The following USP42 variants were observed in gnomAD, a reference collection of about 807,000 sequenced individuals.
USP42 encodes the protein ubiquitin carboxyl-terminal hydrolase 42.
USP42 carries 23 observed loss-of-function variants against 113.0 expected under a neutral mutation model. The observed-to-expected ratio is 0.20, with a 90% CI of 0.15 to 0.29. The LOEUF (loss-of-function observed/expected upper bound fraction) is 0.29, where lower values mean the gene tolerates loss of function less well. Ranked by LOEUF, USP42 falls within the 10% of genes least tolerant of loss-of-function variation. The probability of loss-of-function intolerance (pLI) is 1.00; values close to 1 mark genes in which losing one functional copy is unlikely to be tolerated. For missense variants in USP42, 2,174 were observed against 1,779.8 expected (o/e 1.22, Z -3.99); for synonymous variants, 933 against 699.0 (o/e 1.33, Z -5.28).
intron 3 of USP42, chr7:6,117,028 C>G (rs981216343): frequency 5.5e-6 from 2 of 361,052 alleles, no homozygotes; most frequent in Non-Finnish European, 1.1e-5. Context: ...CTTTTCCCAG[C>G]TTTACTGAAG....
At position 6,139,079 on chromosome 7, in the gene USP42, C is replaced by T. The variant is rs1455689034; in HGVS notation, c.554-13C>T. ...TGTAATGATAAAGCCTTGTCTTTACCGAAATTTTACAGGTATAGCTAGGCA... is the reference window on the plus strand; with the variant it reads ...TGTAATGATAAAGCCTTGTCTTTACTGAAATTTTACAGGTATAGCTAGGCA... On this transcript the variant is annotated splice_polypyrimidine_tract_variant and intron_variant, in intron 4 of 17. Coordinates refer to ENST00000306177, the MANE Select transcript of USP42 (RefSeq NM_032172.3). This position sits in a 1 kb window ranked among gnomAD's most constrained non-coding sequence, Gnocchi z 4.5. The T allele has an allele frequency of 5.7e-6, 9 of 1,584,786 alleles. No homozygotes were observed. Among genetic ancestry groups the T allele is most frequent in the African/African-American group, 1.3e-5 (1 of 74,218 alleles).
At chr7:6,113,086 G>C (rs755018793) in intron 2 of USP42, among the ~76,000 whole-genome samples, 1 of 151,672 alleles carries the variant, frequency 6.6e-6, no homozygotes, top group African/African-American at 2.4e-5. Flanking sequence ...TGTATTTTTA[G>C]TAGAGACGGG....
rs1781925339 is a variant in USP42 at position 6,149,735 on chromosome 7, C to T, written c.1539C>T (p.Ile513=). The T allele has an allele frequency of 6.2e-7, 1 of 1,613,958 alleles. No homozygotes were observed. Among genetic ancestry groups the T allele is most frequent in the Non-Finnish European group, 8.5e-7 (1 of 1,179,872 alleles). The change falls in exon 13 of 18, where the codon ATC becomes ATT. Residue 513 remains isoleucine (I), a synonymous_variant. Transcript: ENST00000306177. The part of the protein sequence containing the change: ...QNWSVNRSSV[I]PEHPKKQKIT... ...GGTCAGTTAATAGGTCCTCAGTGATCCCAGAACATCCTAAGAAACAAAAAA... is the reference window on the plus strand; with the variant it reads ...GGTCAGTTAATAGGTCCTCAGTGATTCCAGAACATCCTAAGAAACAAAAAA...
the USP42 span, among the ~76,000 whole-genome samples, chr7:6,097,070 C>A: frequency 6.6e-6 from 1 of 150,854 alleles, no homozygotes; most frequent in Admixed American, 6.6e-5. Context: ...CCATGCCTGG[C>A]TAATTTTGTA....
At chr7:6,121,082 C>T (rs182712545) in intron 3 of USP42, among the ~76,000 whole-genome samples, 6 of 151,322 alleles carry the variant, frequency 4.0e-5, no homozygotes, top group East Asian at 1.9e-4. Context: ...CTATGTGATA[C>T]GTGAATAAAG....
chr7:6,116,512 C>A, intron 3 of USP42: 1 of 256,744 alleles, frequency 3.9e-6, no homozygotes, highest in Non-Finnish European at 7.5e-6. Context: ...GGCTCAGATT[C>A]ATGTGTGTAT....
In USP42 at chr7:6,149,260, C is replaced by T. The variant is rs1183237006; in HGVS notation, c.1387-323C>T. Among the ~76,000 whole-genome samples the T allele has an allele frequency of 2.0e-5, 3 of 152,132 alleles. No individual in the cohort carries two copies. In the East Asian group the frequency reaches 5.8e-4, roughly 29 times the overall value. ...ATCAGCGAGCTCCCAGGAAACCCAA[C>T]CAGGTAGCAAGTGTGTGACTCCATG... On this transcript the variant is annotated intron_variant, in intron 12 of 17. Transcript: ENST00000306177.
At chr7:6,150,363 A>AG (rs1474591948) in intron 13 of USP42, 49 bp from the exon 14 acceptor site, 5 of 1,610,244 alleles carry the variant, frequency 3.1e-6, no homozygotes, top group Non-Finnish European at 4.2e-6. Context: ...GGATTTCAGG[A>AG]GGCATGGAGC....
chr7:6,106,391 T>G (rs1221886248), intron 1 of USP42, among the ~76,000 whole-genome samples: 1 of 152,228 alleles, frequency 6.6e-6, no homozygotes, highest in Non-Finnish European at 1.5e-5. Context: ...CCACAGTGTC[T>G]AAATAGTGAA....
At chr7:6,114,113 A>C (rs1216726331) in intron 2 of USP42, among the ~76,000 whole-genome samples, 1 of 152,182 alleles carries the variant, frequency 6.6e-6, no homozygotes, top group African/African-American at 2.4e-5. Context: ...TCTCCTCACA[A>C]GTGTGTACAG....
rs375736931 is a variant in USP42, at chr7:6,112,550, A to G, written c.241+1176A>G. On this transcript the variant is annotated intron_variant, in intron 2 of 17. Transcript: ENST00000306177. The stretch of plus-strand genomic sequence containing the variant: ...CATTCGTTAAAACTCATCCAGATAA[A>G]TGAGACAGTAACACTTTAAGTTGGT... Among the ~76,000 whole-genome samples the G allele has an allele frequency of 4.0e-3, 606 of 152,320 alleles. 2 individuals are homozygous for G. Among genetic ancestry groups the G allele is most frequent in the African/African-American group, 0.014 (581 of 41,586 alleles).
At chr7:6,104,076 C>CTT (rs1023775486), upstream of USP42, among the ~76,000 whole-genome samples, 16 of 151,328 alleles carry the variant, frequency 1.1e-4, 2 homozygotes, top group African/African-American at 3.9e-4. Flanking sequence ...GACCCTGTTT[C>CTT]TTTTCTTTTC....
chr7:6,139,014 A>G lies in USP42; in HGVS notation c.554-78A>G, dbSNP rs1781307814. ...GGAGTTTTCCAACCAACATATTATT[A>G]TAAGATATATTTTGGGGGGTACAAC... On this transcript the variant is annotated intron_variant, in intron 4 of 17. Transcript: ENST00000306177. The surrounding 1 kb of genome is among the most constrained non-coding windows in gnomAD (Gnocchi z 4.5). The G allele has an allele frequency of 1.1e-6, 1 of 873,022 alleles. No homozygotes were observed. Among genetic ancestry groups the G allele is most frequent in the African/African-American group, 1.7e-5 (1 of 58,294 alleles). The allele number at this position is 873,022 out of a possible 1,614,324, so 54.1% of individuals were successfully genotyped here.
chr7:6,101,818 C>T (rs1234967600), upstream of USP42, among the ~76,000 whole-genome samples: 5 of 150,874 alleles, frequency 3.3e-5, no homozygotes, highest in African/African-American at 1.2e-4. Flanking sequence ...GTGGCTCACG[C>T]CTGCAATCCC....
intron 3 of USP42, among the ~76,000 whole-genome samples, chr7:6,126,496 A>G (rs1225580821): frequency 1.3e-5 from 2 of 152,126 alleles, no homozygotes; most frequent in Non-Finnish European, 2.9e-5. Flanking sequence ...CGTGTTAGCC[A>G]GGATGGTCTC....
At chr7:6,095,883 C>T in the USP42 span, among the ~76,000 whole-genome samples, 3 of 150,864 alleles carry the variant, frequency 2.0e-5, no homozygotes, top group Non-Finnish European at 4.4e-5. Context: ...CTGCCTCAGC[C>T]TCCTGAGTAA....
upstream of USP42, among the ~76,000 whole-genome samples, chr7:6,100,353 G>T (rs371175628): frequency 1.3e-5 from 2 of 149,438 alleles, no homozygotes; most frequent in East Asian, 2.0e-4. Flanking sequence ...TTTTAATACG[G>T]AGTTTCGCTC....
At chr7:6,152,050 A>G (rs1458452885) in intron 14 of USP42, among the ~76,000 whole-genome samples, 1 of 152,208 alleles carries the variant, frequency 6.6e-6, no homozygotes, top group African/African-American at 2.4e-5. Context: ...AAATCATGTC[A>G]TGTTAGTGAA....
intron 2 of USP42, among the ~76,000 whole-genome samples, chr7:6,114,672 A>G (rs1382831689): frequency 5.9e-5 from 2 of 33,740 alleles, no homozygotes; most frequent in African/African-American, 1.4e-4. Flanking sequence ...ATATATATAT[A>G]TATATATTTT....
Sources: gnomAD v4.1 joint callset for allele counts (sites outside exome capture counted in the v4.1 genomes callset) on GRCh38, gnomAD v4.1.1 for gene constraint, Gnocchi (gnomAD v3.1) non-coding constraint, MANE v1.5 for transcripts, NCBI Gene and HGNC (gene_info 2026-07-23, HGNC 2026-07-21) for gene names.